Variants in COX10 observed in about 807,000 individuals in gnomAD.
The protein encoded by COX10 is cytochrome c oxidase assembly factor heme A:farnesyltransferase COX10, also known as protoheme IX farnesyltransferase, mitochondrial.
Under a neutral mutation model 37.3 loss-of-function variants are expected in COX10, and 27 were observed. That is an observed-to-expected ratio of 0.72 (90% CI 0.53 to 1.00). The LOEUF is 1.00. Among genes scored for constraint, COX10 ranks in the 50% least tolerant of loss-of-function variants. COX10 has a pLI of 0.00. For synonymous variants in COX10, 222 were observed against 229.1 expected (o/e 0.97, Z 0.28); for missense variants, 475 against 563.2 (o/e 0.84, Z 1.59).
intron 6 of COX10, among the ~76,000 whole-genome samples, chr17:14,203,483 C>T (rs772174474): frequency 9.2e-5 from 14 of 152,256 alleles, no homozygotes; most frequent in Admixed American, 2.0e-4. Flanking sequence ...ACAACTGCCC[C>T]GTCTGATAAA....
chr17:14,201,255 G>A (rs1906533029), intron 6 of COX10, among the ~76,000 whole-genome samples: 2 of 152,202 alleles, frequency 1.3e-5, no homozygotes, highest in Admixed American at 6.5e-5. Flanking sequence ...AAGTCTTCCT[G>A]TTCTAGTTCA....
At chr17:14,141,080 T>A (rs552329656) in intron 4 of COX10, among the ~76,000 whole-genome samples, 13 of 151,992 alleles carry the variant, frequency 8.6e-5, no homozygotes, top group Non-Finnish European at 1.8e-4. Flanking sequence ...GGTGTTAAAG[T>A]TATAGTGTTA....
chr17:14,181,762 G>C (rs1431474552), intron 5 of COX10, among the ~76,000 whole-genome samples: 1 of 152,148 alleles, frequency 6.6e-6, no homozygotes, highest in Non-Finnish European at 1.5e-5. Context: ...GTTGGTCCCT[G>C]CCCTCAAGGA....
intron 1 of COX10, among the ~76,000 whole-genome samples, chr17:14,070,212 T>G (rs549267399): frequency 6.6e-6 from 1 of 152,294 alleles, no homozygotes; most frequent in South Asian, 2.1e-4. Flanking sequence ...GCTGGAATGT[T>G]CTTCCTTGAC....
chr17:14,172,723 G>C (rs566308553), intron 5 of COX10, among the ~76,000 whole-genome samples: 25 of 151,876 alleles, frequency 1.6e-4, no homozygotes, highest in African/African-American at 5.6e-4. Flanking sequence ...AATTACAGGT[G>C]CCAGTCGCTG....
At chr17:14,148,872 G>C (rs1432605574) in intron 4 of COX10, among the ~76,000 whole-genome samples, 1 of 149,776 alleles carries the variant, frequency 6.7e-6, no homozygotes, top group Non-Finnish European at 1.5e-5. Context: ...TTGTATCTGA[G>C]CATTAACTAT....
At chr17:14,184,573 A>G (rs2142258282) in intron 5 of COX10, among the ~76,000 whole-genome samples, 2 of 152,286 alleles carry the variant, frequency 1.3e-5, no homozygotes, top group East Asian at 3.9e-4. Flanking sequence ...TAATGACCAA[A>G]ACACTTGTAG....
chr17:14,186,086 C>A (rs1209788803), intron 5 of COX10, among the ~76,000 whole-genome samples: 1 of 152,228 alleles, frequency 6.6e-6, no homozygotes, highest in Non-Finnish European at 1.5e-5. Flanking sequence ...GCCCACGATT[C>A]TTCTTCCTTT....
Position 14,069,553 on chromosome 17 carries a change from C to A in COX10, c.-53C>A. 1.9e-6 allele frequency: 3 copies of A among 1,606,090 alleles called. No homozygotes were observed. The South Asian group carries it at 3.3e-5, about 18-fold the overall frequency. On this transcript the variant is annotated 5_prime_UTR_variant, in exon 1 of 7. Transcript: ENST00000261643. ...AGGAAGATGGCGGCGCCCAGCGTCCCGTGAGGAGAGAGGACACAGGGATCC... is the reference window on the plus strand; with the variant it reads ...AGGAAGATGGCGGCGCCCAGCGTCCAGTGAGGAGAGAGGACACAGGGATCC...
At chr17:14,131,755 A>G (rs1916471455) in intron 4 of COX10, among the ~76,000 whole-genome samples, 1 of 152,058 alleles carries the variant, frequency 6.6e-6, no homozygotes, top group African/African-American at 2.4e-5. Context: ...AGCAAATTCA[A>G]AGGAGTTTCA....
intron 4 of COX10, among the ~76,000 whole-genome samples, chr17:14,104,461 A>G (rs1158708387): frequency 6.6e-6 from 1 of 152,132 alleles, no homozygotes. Flanking sequence ...GCATATAAAT[A>G]AAGAAATAGT....
chr17:14,191,699 C>G (rs1906205050), intron 5 of COX10, among the ~76,000 whole-genome samples: 2 of 152,146 alleles, frequency 1.3e-5, no homozygotes, highest in African/African-American at 4.8e-5. Flanking sequence ...TGCCCTATAG[C>G]CAGGAAGGGA....
intron 3 of COX10, among the ~76,000 whole-genome samples, chr17:14,078,911 C>T (rs1371326159): frequency 1.3e-5 from 2 of 152,102 alleles, no homozygotes; most frequent in Non-Finnish European, 2.9e-5. Context: ...TTTCACCCCA[C>T]CATATTTGTT....
chr17:14,146,048 A>G (rs1333987126), intron 4 of COX10, among the ~76,000 whole-genome samples: 1 of 152,050 alleles, frequency 6.6e-6, no homozygotes, highest in Non-Finnish European at 1.5e-5. Flanking sequence ...GAATTTTTTT[A>G]TTATCTTTTT....
chr17:14,089,705 C>A (rs111295344), intron 3 of COX10, among the ~76,000 whole-genome samples: 113 of 152,334 alleles, frequency 7.4e-4, no homozygotes, highest in Middle Eastern at 3.4e-3. Flanking sequence ...TAGAAAACTT[C>A]ACTATTTCTA....
chr17:14,197,726 G>A (rs2023617), intron 6 of COX10, among the ~76,000 whole-genome samples: 86,295 of 147,126 alleles, frequency 0.59, 24,799 homozygotes, highest in East Asian at 0.71. Context: ...CAGTGCCAAC[G>A]GCTTTCAGTC....
intron 4 of COX10, among the ~76,000 whole-genome samples, chr17:14,131,868 T>C (rs1916475619): frequency 6.6e-6 from 1 of 152,016 alleles, no homozygotes; most frequent in Admixed American, 6.6e-5. Context: ...TCAGTAGCTT[T>C]GTACAAAGTC....
chr17:14,184,874 G>A (rs1281143708), intron 5 of COX10, among the ~76,000 whole-genome samples: 2 of 150,300 alleles, frequency 1.3e-5, no homozygotes, highest in Non-Finnish European at 1.5e-5. Flanking sequence ...AAATCTCAGA[G>A]AGCTTCCAGA....
chr17:14,086,838 A>G (rs1005776601), intron 3 of COX10, among the ~76,000 whole-genome samples: 3 of 152,146 alleles, frequency 2.0e-5, no homozygotes, highest in Admixed American at 1.3e-4. Flanking sequence ...ATAGTATTCC[A>G]TAGTATAGAT....
Sources: gnomAD v4.1 joint callset for allele counts (sites outside exome capture counted in the v4.1 genomes callset) on GRCh38, gnomAD v4.1.1 for gene constraint, MANE v1.5 for transcripts, NCBI Gene and HGNC (gene_info 2026-07-23, HGNC 2026-07-21) for gene names.